UBE2E2: variants seen among roughly 807,000 people sequenced by gnomAD.
UBE2E2 encodes the protein ubiquitin-conjugating enzyme E2 E2.
A neutral mutation model predicts 24.7 loss-of-function variants in UBE2E2; 6 were observed. That is an observed-to-expected ratio of 0.24 (90% CI 0.13 to 0.48). The LOEUF (loss-of-function observed/expected upper bound fraction) is 0.48. Ranked by LOEUF, UBE2E2 falls within the 20% of genes least tolerant of loss-of-function variation. The pLI is 0.99. For synonymous variants in UBE2E2, 104 were observed against 83.6 expected, an observed-to-expected ratio of 1.24 and a Z score of -1.33; for missense variants, 169 against 245.0, an observed-to-expected ratio of 0.69 and a Z score of 2.07.
At chr3:23,259,441 TG>T (rs1370561773) in intron 3 of UBE2E2, among the ~76,000 whole-genome samples, 5 of 152,216 alleles carry the variant, frequency 3.3e-5, no homozygotes, top group African/African-American at 1.2e-4. Context: ...AAAAAAGTAT[TG>T]TTTGAAAACC....
chr3:23,271,552 G>GGAGAGCTGATTGGTCCATTTTACA (rs1023165984), intron 3 of UBE2E2, among the ~76,000 whole-genome samples: 2 of 152,132 alleles, frequency 1.3e-5, no homozygotes, highest in Admixed American at 1.3e-4. Flanking sequence ...CCCATTTTAT[G>GGAGAGCTGATTGGTCCATTTTACA]GAGAGCTGAT....
chr3:23,573,185 G>GTACAAGAATAACAA (rs1696264767), intron 5 of UBE2E2, among the ~76,000 whole-genome samples: 1 of 152,154 alleles, frequency 6.6e-6, no homozygotes, highest in Non-Finnish European at 1.5e-5. Context: ...TACAGAATCA[G>GTACAAGAATAACAA]GTCCAGATAC....
In UBE2E2 at chr3:23,471,789, G is replaced by A. The variant is rs1003145944; in HGVS notation, c.228-27819G>A. 1.8e-4 allele frequency among the ~76,000 whole-genome samples: 28 copies of A among 152,258 alleles called. No homozygotes were observed. The East Asian group carries it at 4.8e-3, about 26-fold the overall frequency. On this transcript the variant is annotated intron_variant, in intron 3 of 5. Coordinates refer to ENST00000396703, the MANE Select transcript of UBE2E2 (RefSeq NM_152653.4). Reference sequence around the variant, plus strand: ...AAGAAACAAAGTCCATATAAAAAGTGGGCAAGGACAACAGAGTAGGCAGTC... The same window carrying A: ...AAGAAACAAAGTCCATATAAAAAGTAGGCAAGGACAACAGAGTAGGCAGTC...
At chr3:23,461,049 T>A (rs925968521) in intron 3 of UBE2E2, among the ~76,000 whole-genome samples, 2 of 152,234 alleles carry the variant, frequency 1.3e-5, no homozygotes, top group African/African-American at 4.8e-5. Flanking sequence ...AACCCCAGTG[T>A]ATAAGCACTA....
chr3:23,548,166 C>T (rs1382133157), intron 5 of UBE2E2, among the ~76,000 whole-genome samples: 1 of 152,144 alleles, frequency 6.6e-6, no homozygotes, highest in Non-Finnish European at 1.5e-5. Flanking sequence ...ATAGAAAAAG[C>T]AACTAAGAGA....
intron 3 of UBE2E2, chr3:23,449,918 T>C: frequency 9.1e-6 from 9 of 985,268 alleles, no homozygotes; most frequent in Non-Finnish European, 1.1e-5. Context: ...TGGGGACCCC[T>C]CCCCCTAGTG....
chr3:23,568,062 C>T (rs1696118347), intron 5 of UBE2E2, among the ~76,000 whole-genome samples: 1 of 152,188 alleles, frequency 6.6e-6, no homozygotes, highest in African/African-American at 2.4e-5. Flanking sequence ...ACAGACAGCA[C>T]CCATGTGACT....
At chr3:23,504,969 C>G (rs998871050) in intron 4 of UBE2E2, among the ~76,000 whole-genome samples, 1 of 142,608 alleles carries the variant, frequency 7.0e-6, no homozygotes, top group African/African-American at 2.7e-5. Context: ...AGTGCAGTGA[C>G]GTGATCATGG....
At position 23,328,843 on chromosome 3, in the gene UBE2E2, G is replaced by A. The variant is rs188029209; in HGVS notation, c.227+111531G>A. Among the ~76,000 whole-genome samples, 14 of 152,068 alleles carry A rather than the reference G, an allele frequency of 9.2e-5. No homozygotes were observed. The East Asian group carries it at 2.3e-3, about 25-fold the overall frequency. On this transcript the variant is annotated intron_variant, in intron 3 of 5. Coordinates refer to ENST00000396703, the MANE Select transcript of UBE2E2 (RefSeq NM_152653.4). ...TGCCCGGCTGATTTTTATATTTTTT[G>A]TAGAGACGGGGTTTCACCATGTTGG...
At chr3:23,401,751 G>T (rs1297394478) in intron 3 of UBE2E2, among the ~76,000 whole-genome samples, 1 of 151,676 alleles carries the variant, frequency 6.6e-6, no homozygotes, top group Non-Finnish European at 1.5e-5. Context: ...CCCTATTTTG[G>T]CTCACTGCAA....
intron 3 of UBE2E2, among the ~76,000 whole-genome samples, chr3:23,294,489 G>T (rs1698853503): frequency 1.3e-5 from 2 of 151,670 alleles, no homozygotes; most frequent in African/African-American, 2.4e-5. Flanking sequence ...TCAAGACGTG[G>T]CTCATCTGTT....
At chr3:23,304,521 T>G (rs1699190031) in intron 3 of UBE2E2, among the ~76,000 whole-genome samples, 1 of 152,206 alleles carries the variant, frequency 6.6e-6, no homozygotes, top group Non-Finnish European at 1.5e-5. Context: ...TGTTTACAGT[T>G]TTGCCAGTCT....
At chr3:23,382,085 T>C (rs533568642) in intron 3 of UBE2E2, among the ~76,000 whole-genome samples, 82 of 152,336 alleles carry the variant, frequency 5.4e-4, no homozygotes, top group South Asian at 2.7e-3. Flanking sequence ...TTACTTATGA[T>C]TGTCAGTTTA....
intron 3 of UBE2E2, among the ~76,000 whole-genome samples, chr3:23,256,284 T>C (rs1236503154): frequency 6.6e-6 from 1 of 152,238 alleles, no homozygotes; most frequent in Non-Finnish European, 1.5e-5. Context: ...TATTTCTAAT[T>C]AAAATGATGA....
intron 3 of UBE2E2, among the ~76,000 whole-genome samples, chr3:23,224,822 G>A (rs752053989): frequency 9.9e-5 from 15 of 151,936 alleles, no homozygotes; most frequent in Non-Finnish European, 2.1e-4. Flanking sequence ...CAGGTTTTTG[G>A]GTAGACATTT....
chr3:23,508,462 A>T (rs1694506520), intron 4 of UBE2E2, among the ~76,000 whole-genome samples: 2 of 152,188 alleles, frequency 1.3e-5, no homozygotes, highest in Non-Finnish European at 1.5e-5. Flanking sequence ...AGCTTTCTAT[A>T]GTCTAATGCA....
intron 3 of UBE2E2, among the ~76,000 whole-genome samples, chr3:23,418,741 G>A (rs1692619): frequency 0.16 from 24,821 of 152,060 alleles, 2,074 homozygotes; most frequent in South Asian, 0.22. Context: ...ATATTTAGAC[G>A]CTGTGACTCT....
intron 3 of UBE2E2, among the ~76,000 whole-genome samples, chr3:23,388,574 C>T (rs1420148682): frequency 6.6e-6 from 1 of 152,104 alleles, no homozygotes. Flanking sequence ...TATTGCAAAG[C>T]TACATGTTAA....
intron 3 of UBE2E2, among the ~76,000 whole-genome samples, chr3:23,234,273 C>T (rs925404731): frequency 6.6e-6 from 1 of 151,662 alleles, no homozygotes; most frequent in Non-Finnish European, 1.5e-5. Context: ...TGGAGTGGGA[C>T]ATGACCAAAC....
Sources: allele counts gnomAD v4.1 joint callset (sites outside exome capture counted in the v4.1 genomes callset), GRCh38; gene constraint gnomAD v4.1.1; transcripts MANE v1.5; gene names NCBI Gene and HGNC (gene_info 2026-07-23, HGNC 2026-07-21).